TMPRSS11E: variants seen among roughly 807,000 people sequenced by gnomAD.
The protein encoded by TMPRSS11E is transmembrane protease serine 11E.
In TMPRSS11E, 38 loss-of-function variants were observed where a neutral mutation model predicts 48.1. That is an observed-to-expected ratio of 0.79 (90% confidence interval 0.61 to 1.04). TMPRSS11E has a LOEUF of 1.04. TMPRSS11E is among the 50% of genes least tolerant of loss of function. The pLI is 0.00. For synonymous variants in TMPRSS11E, 158 were observed against 171.9 expected (o/e 0.92, Z 0.63); for missense variants, 530 against 510.8 (o/e 1.04, Z -0.36).
At position 68,497,576 on chromosome 4, in the gene TMPRSS11E, A is replaced by G. The variant is rs537675786; in HGVS notation, c.*772A>G. The G allele has an allele frequency of 1.1e-4, 16 of 152,248 alleles. No individual in the cohort carries two copies. The highest frequency in any genetic ancestry group is 2.1e-4 in the South Asian group (1 of 4,830). The allele number at this position is 152,248 out of a possible 1,614,324, so 9.4% of individuals were successfully genotyped here. A position where few individuals can be genotyped will look rare whatever the true frequency, so the allele number is the denominator to read the frequency against. On this transcript the variant is annotated 3_prime_UTR_variant, in exon 10 of 10. Transcript: ENST00000305363. ...TTTAACATTGTTACTGAGGATGTCA[A>G]CATATAACAATAAAATATAAATCAC...
chr4:68,473,187 A>G (rs1179993296), intron 5 of TMPRSS11E, among the ~76,000 whole-genome samples: 1 of 152,076 alleles, frequency 6.6e-6, no homozygotes, highest in Non-Finnish European at 1.5e-5. Flanking sequence ...GGATTTCCCT[A>G]TCTTTCTCTT....
chr4:68,471,476 G>A lies in TMPRSS11E; in HGVS notation c.343G>A (p.Val115Met), dbSNP rs748139451. Residue 115 changes from valine to methionine, a missense_variant, in exon 5 of 10, where the codon GTG becomes ATG. Val to Met is a conservative substitution (Grantham distance 21). Coordinates refer to ENST00000305363, the MANE Select transcript of TMPRSS11E (RefSeq NM_014058.4). ...VIKFSQQKHG[V>M]LAHMLLICRF... ...GGCCCACAGTCAACAGAAGCATGGA[G>A]TGTTGGCTCATATGCTGTTGATTTG... The A allele has an allele frequency of 4.5e-6, 7 of 1,540,730 alleles. No homozygotes were observed. In the East Asian group the frequency reaches 1.7e-4, roughly 38 times the overall value.
chr4:68,481,348 G>C (rs900894040), intron 9 of TMPRSS11E, among the ~76,000 whole-genome samples: 14 of 152,148 alleles, frequency 9.2e-5, no homozygotes, highest in Admixed American at 9.2e-4. Flanking sequence ...TCAAATTGTA[G>C]TTCTGTCTTA....
At chr4:68,475,686 C>T (rs1291345719) in intron 6 of TMPRSS11E, among the ~76,000 whole-genome samples, 1 of 152,032 alleles carries the variant, frequency 6.6e-6, no homozygotes, top group Non-Finnish European at 1.5e-5. Context: ...ACTTCTCAAC[C>T]AAGGGAAATA....
At chr4:68,447,808 T>C (rs1272178640) in intron 1 of TMPRSS11E, among the ~76,000 whole-genome samples, 104 of 151,966 alleles carry the variant, frequency 6.8e-4, no homozygotes, top group Non-Finnish European at 5.9e-5. Context: ...GTCTTTTAGT[T>C]AGTTTGGCCA....
At position 68,475,106 on chromosome 4, in the gene TMPRSS11E, CTA is replaced by C. The variant is rs778529356; in HGVS notation, c.529+346_529+347del. Among the ~76,000 whole-genome samples the C allele has an allele frequency of 2.6e-5, 4 of 151,998 alleles. No homozygotes were observed. In the South Asian group the frequency reaches 8.3e-4, roughly 32 times the overall value. On this transcript the variant is annotated intron_variant, in intron 6 of 9. Transcript: ENST00000305363. The stretch of plus-strand genomic sequence containing the variant: ...CAAATCTATACATTGTGTTTTTCAG[CTA>C]GAGGCAGAAACTCATTGTCACTATA...
At chr4:68,493,583 C>T (rs553818675) in intron 9 of TMPRSS11E, among the ~76,000 whole-genome samples, 2 of 152,226 alleles carry the variant, frequency 1.3e-5, no homozygotes, top group African/African-American at 4.8e-5. Context: ...TCTCTCGCCT[C>T]AGCCTCCTGA....
chr4:68,471,568 G>C lies in TMPRSS11E; in HGVS notation c.435G>C (p.Lys145Asn), dbSNP rs1276608912. 13 of 1,610,886 alleles carry C rather than the reference G, an allele frequency of 8.1e-6. No homozygotes were observed. The highest frequency in any genetic ancestry group is 3.4e-5 in the Admixed American group (2 of 59,500). The change falls in exon 5 of 10, where the codon AAG (lysine) becomes AAC (asparagine). Residue 145 changes from lysine (K) to asparagine (N), a missense_variant. Transcript: ENST00000305363. ...DKIVQLVLHE[K>N]LQDAVGPPKV... is the part of the protein sequence containing the mutation. The stretch of plus-strand genomic sequence containing the variant: ...TTGTTCAACTTGTTTTACATGAAAA[G>C]CTGCAAGATGCTGTAGGACCCCCTA...
chr4:68,465,370 T>G (rs1728900042), intron 2 of TMPRSS11E, among the ~76,000 whole-genome samples: 1 of 152,166 alleles, frequency 6.6e-6, no homozygotes, highest in South Asian at 2.1e-4. Context: ...GGTGTTTTAT[T>G]TGAAATACAC....
chr4:68,479,117 C>A, intron 9 of TMPRSS11E, 126 bp downstream of exon 9: 1 of 1,061,864 alleles, frequency 9.4e-7, no homozygotes, highest in Non-Finnish European at 1.4e-6. Context: ...CAGTTTTCTC[C>A]AATGATTACA....
At chr4:68,462,467 C>T (rs1323257653) in intron 2 of TMPRSS11E, among the ~76,000 whole-genome samples, 1 of 150,780 alleles carries the variant, frequency 6.6e-6, no homozygotes, top group Non-Finnish European at 1.5e-5. Flanking sequence ...CCTGTAGTCC[C>T]AGTTCCTGGG....
At chr4:68,467,004 G>T (rs539794675) in intron 3 of TMPRSS11E, among the ~76,000 whole-genome samples, 3 of 152,184 alleles carry the variant, frequency 2.0e-5, no homozygotes, top group African/African-American at 7.2e-5. Context: ...CTTAGCTAGT[G>T]ATATACTCTT....
At chr4:68,448,034 G>C (rs955321964) in intron 1 of TMPRSS11E, among the ~76,000 whole-genome samples, 1 of 151,946 alleles carries the variant, frequency 6.6e-6, no homozygotes, top group African/African-American at 2.4e-5. Flanking sequence ...ATTATAGCCT[G>C]ATTTAAAAAA....
chr4:68,450,764 A>G (rs537373569), intron 1 of TMPRSS11E, among the ~76,000 whole-genome samples: 1 of 152,098 alleles, frequency 6.6e-6, no homozygotes, highest in Admixed American at 6.6e-5. Context: ...CTAAATAAAC[A>G]GTGATCTATC....
At position 68,478,833 on chromosome 4, in the gene TMPRSS11E, C is replaced by T; in HGVS notation, c.968-16C>T. On this transcript the variant is annotated splice_polypyrimidine_tract_variant and intron_variant, in intron 8 of 9. Transcript: ENST00000305363. ...ATATGTATGTCTACAAATACAAAGA[C>T]TTTTTTTTCTTTTAGGTTACAGTCA... 1 of 1,609,438 alleles carries T rather than the reference C, an allele frequency of 6.2e-7. No individual in the cohort carries two copies. The highest frequency in any genetic ancestry group is 1.1e-5 in the South Asian group (1 of 90,558).
chr4:68,458,134 C>T (rs1278837043), intron 1 of TMPRSS11E, among the ~76,000 whole-genome samples: 1 of 152,022 alleles, frequency 6.6e-6, no homozygotes, highest in East Asian at 1.9e-4. Flanking sequence ...TGTGAAGAGG[C>T]TTCTTCTGGT....
chr4:68,475,517 C>T (rs1175119564), intron 6 of TMPRSS11E, among the ~76,000 whole-genome samples: 1 of 152,158 alleles, frequency 6.6e-6, no homozygotes, highest in Non-Finnish European at 1.5e-5. Context: ...CATATATTCT[C>T]ACCACCAATA....
intron 2 of TMPRSS11E, among the ~76,000 whole-genome samples, chr4:68,462,879 G>A (rs1728831070): frequency 6.6e-6 from 1 of 152,124 alleles, no homozygotes; most frequent in Non-Finnish European, 1.5e-5. Flanking sequence ...TTATTAGAAA[G>A]GTCTCCAGGG....
chr4:68,472,632 A>G (rs1729106850), intron 5 of TMPRSS11E, among the ~76,000 whole-genome samples: 3 of 152,058 alleles, frequency 2.0e-5, no homozygotes, highest in Admixed American at 6.6e-5. Flanking sequence ...AACTGCTAAT[A>G]TAATATCTGA....
Sources: allele counts gnomAD v4.1 joint callset (sites outside exome capture counted in the v4.1 genomes callset), GRCh38; gene constraint gnomAD v4.1.1; transcripts MANE v1.5; gene names NCBI Gene and HGNC (gene_info 2026-07-23, HGNC 2026-07-21).